INTS4: variants seen among roughly 807,000 people sequenced by gnomAD.
The protein encoded by INTS4 is MSTP093.
In INTS4, 70 loss-of-function variants were observed where a neutral mutation model predicts 119.5. The ratio of observed to expected loss-of-function variants is 0.59; its 90% CI spans 0.48 to 0.71. The LOEUF (loss-of-function observed/expected upper bound fraction) is 0.71. INTS4 is among the 30% of genes least tolerant of loss of function. The pLI, the probability that INTS4 is intolerant of heterozygous loss-of-function variation, is 0.00. For missense variants in INTS4, 867 were observed against 1,173.2 expected, an observed-to-expected ratio of 0.74 and a Z score of 3.81; for synonymous variants, 316 against 419.6, an observed-to-expected ratio of 0.75 and a Z score of 3.02.
chr11:77,970,454 G>A (rs980401186), intron 4 of INTS4, among the ~76,000 whole-genome samples: 1 of 152,030 alleles, frequency 6.6e-6, no homozygotes, highest in African/African-American at 2.4e-5. Flanking sequence ...TTTGTTGGTA[G>A]ATATCTACAA....
In INTS4 at chr11:77,918,159, C is replaced by T. The variant is rs1953248304; in HGVS notation, c.1922+662G>A. On this transcript the variant is annotated intron_variant, in intron 15 of 22. Coordinates refer to ENST00000534064, the MANE Select transcript of INTS4 (RefSeq NM_033547.4). ...AGAAAGAATGAGCCTAGGCCGGGCA[C>T]AGTGGCTCACGCCTGTAATTCCAGC... 1.3e-5 allele frequency: 9 copies of T among 699,150 alleles called. No individual in the cohort carries two copies. In the South Asian group the frequency reaches 1.3e-4, roughly 10 times the overall value. 43.3% of individuals were successfully genotyped at this position (699,150 alleles called of 1,614,324 possible).
chr11:77,898,521 T>A (rs1377027513), intron 18 of INTS4, among the ~76,000 whole-genome samples: 1 of 152,246 alleles, frequency 6.6e-6, no homozygotes, highest in East Asian at 1.9e-4. Flanking sequence ...AATCTTCATC[T>A]TCATCTTAGA....
rs573670979 is a variant in INTS4, at chr11:77,933,442, T to C, written c.1166-4895A>G. Among the ~76,000 whole-genome samples the C allele has an allele frequency of 1.8e-3, 271 of 152,260 alleles. 1 individual carries two copies. The highest frequency in any genetic ancestry group is 6.4e-3 in the African/African-American group (267 of 41,550). ...GGTTTCGCTGTGTTGGCCGGGCTGG[T>C]CTCCAGCTCCTAACCGCCAGTGATC... On this transcript the variant is annotated intron_variant, in intron 10 of 22. Transcript: ENST00000534064.
rs190342953 is a variant in INTS4, at chr11:77,947,912, C to T, written c.919-6661G>A. Among the ~76,000 whole-genome samples the T allele has an allele frequency of 3.6e-3, 544 of 152,292 alleles. 2 individuals are homozygous for T. The highest frequency in any genetic ancestry group is 6.2e-3 in the Non-Finnish European group (420 of 68,022). ...ATGCTAGAGCATAGTGGCCTGATCA[C>T]GGCTCACTGCAGCCTCAATCTTCCA... On this transcript the variant is annotated intron_variant, in intron 8 of 22. Transcript: ENST00000534064.
intron 19 of INTS4, among the ~76,000 whole-genome samples, chr11:77,892,593 T>A (rs967773710): frequency 2.6e-5 from 4 of 152,174 alleles, no homozygotes; most frequent in African/African-American, 9.7e-5. Flanking sequence ...TTTTTTAATT[T>A]TCTTTTTGAG....
chr11:77,908,915 T>C (rs913776900), intron 15 of INTS4, among the ~76,000 whole-genome samples: 9 of 152,272 alleles, frequency 5.9e-5, no homozygotes, highest in Non-Finnish European at 1.0e-4. Flanking sequence ...TTATTACTAA[T>C]TGAACTCTGA....
At chr11:77,940,362 T>G (rs1411292817) in intron 9 of INTS4, among the ~76,000 whole-genome samples, 1 of 151,922 alleles carries the variant, frequency 6.6e-6, no homozygotes, top group Non-Finnish European at 1.5e-5. Flanking sequence ...GCCCAAGAGA[T>G]CAAAGTTGCA....
At chr11:77,993,550 T>C (rs1346433431) in intron 1 of INTS4, among the ~76,000 whole-genome samples, 1 of 152,182 alleles carries the variant, frequency 6.6e-6, no homozygotes, top group South Asian at 2.1e-4. Context: ...GGAAATCACA[T>C]TGTGCAACAG....
rs372707554 is a variant in INTS4, at chr11:77,950,353, C to T, written c.918+5589G>A. ...CATGTTCTGCACATGTATCCCAGAACTTAAAGTATTAAAAAAAAAATTGAT... is the reference window on the plus strand; with the variant it reads ...CATGTTCTGCACATGTATCCCAGAATTTAAAGTATTAAAAAAAAAATTGAT... On this transcript the variant is annotated intron_variant, in intron 8 of 22. Coordinates refer to ENST00000534064, the MANE Select transcript of INTS4 (RefSeq NM_033547.4). Among the ~76,000 whole-genome samples the T allele has an allele frequency of 2.3e-4, 35 of 151,522 alleles. No individual in the cohort carries two copies. The South Asian group carries it at 4.4e-3, about 19-fold the overall frequency.
At chr11:77,972,940 A>G (rs899654951) in intron 4 of INTS4, among the ~76,000 whole-genome samples, 1 of 151,746 alleles carries the variant, frequency 6.6e-6, no homozygotes, top group Non-Finnish European at 1.5e-5. Flanking sequence ...TCCTAGGTTC[A>G]AACAATTCTC....
At chr11:77,982,436 C>T (rs1856282384) in intron 2 of INTS4, among the ~76,000 whole-genome samples, 1 of 152,118 alleles carries the variant, frequency 6.6e-6, no homozygotes, top group African/African-American at 2.4e-5. Flanking sequence ...CCACGCTCAG[C>T]CCTACCTGCT....
intron 18 of INTS4, among the ~76,000 whole-genome samples, chr11:77,896,047 G>T (rs1403087794): frequency 6.6e-6 from 1 of 152,152 alleles, no homozygotes; most frequent in Non-Finnish European, 1.5e-5. Flanking sequence ...AGCTGTAAAG[G>T]AGACCAAGCA....
chr11:77,875,917 G>C (rs1951581502), downstream of INTS4, among the ~76,000 whole-genome samples: 1 of 152,102 alleles, frequency 6.6e-6, no homozygotes, highest in African/African-American at 2.4e-5. Context: ...TTTGGGACAG[G>C]GAGTATGAGG....
intron 1 of INTS4, among the ~76,000 whole-genome samples, chr11:77,993,030 G>A (rs1481471270): frequency 1.3e-5 from 2 of 152,108 alleles, no homozygotes; most frequent in African/African-American, 4.8e-5. Context: ...CAGTCTTATC[G>A]AAGCTGTAGT....
intron 8 of INTS4, among the ~76,000 whole-genome samples, chr11:77,951,932 A>G (rs1286141930): frequency 6.6e-6 from 1 of 152,228 alleles, no homozygotes; most frequent in Non-Finnish European, 1.5e-5. Context: ...ATCACTGGCC[A>G]TCAGAGAAAT....
chr11:77,947,353 C>T, intron 8 of INTS4, among the ~76,000 whole-genome samples: 1 of 152,144 alleles, frequency 6.6e-6, no homozygotes, highest in Non-Finnish European at 1.5e-5. Flanking sequence ...CTCCAAGGTA[C>T]ATTATAATCA....
intron 18 of INTS4, among the ~76,000 whole-genome samples, chr11:77,896,426 C>A (rs1591024137): frequency 6.6e-6 from 1 of 151,910 alleles, no homozygotes; most frequent in African/African-American, 2.4e-5. Flanking sequence ...CTGAGGCAGG[C>A]GGATCACCGG....
At chr11:77,876,701 C>T (rs900529893), downstream of INTS4, among the ~76,000 whole-genome samples, 1 of 152,038 alleles carries the variant, frequency 6.6e-6, no homozygotes, top group East Asian at 1.9e-4. Context: ...GCATGTCTAC[C>T]TTTGATGGAA....
intron 10 of INTS4, among the ~76,000 whole-genome samples, chr11:77,931,297 GCACTA>G (rs751712310): frequency 1.7e-4 from 26 of 152,252 alleles, no homozygotes; most frequent in Non-Finnish European, 3.2e-4. Context: ...AGTATGTGAG[GCACTA>G]CACTAGAGTG....
Sources: gnomAD v4.1 joint callset for allele counts (sites outside exome capture counted in the v4.1 genomes callset) on GRCh38, gnomAD v4.1.1 for gene constraint, MANE v1.5 for transcripts, NCBI Gene and HGNC (gene_info 2026-07-23, HGNC 2026-07-21) for gene names.